Variants in ITGBL1 observed in about 807,000 individuals in gnomAD.
ITGBL1 encodes the protein integrin beta-like protein 1.
In ITGBL1, 51 loss-of-function variants were observed where a neutral mutation model predicts 68.5. The ratio of observed to expected loss-of-function variants is 0.74; its 90% CI spans 0.59 to 0.94. ITGBL1 has a LOEUF of 0.94. ITGBL1 is among the 40% of genes least tolerant of loss of function. The probability of loss-of-function intolerance (pLI) is 0.00; values close to 1 mark genes in which losing one functional copy is unlikely to be tolerated. For synonymous variants in ITGBL1, 209 were observed against 227.3 expected (o/e 0.92, Z 0.72); for missense variants, 649 against 647.4 (o/e 1.00, Z -0.03).
At chr13:101,601,438 A>C (rs2030376342) in intron 7 of ITGBL1, among the ~76,000 whole-genome samples, 4 of 151,930 alleles carry the variant, frequency 2.6e-5, no homozygotes. Context: ...TATTTCCTTC[A>C]GTTCTGCTCT....
chr13:101,481,409 G>A (rs2048622477), intron 2 of ITGBL1, among the ~76,000 whole-genome samples: 1 of 151,996 alleles, frequency 6.6e-6, no homozygotes, highest in Non-Finnish European at 1.5e-5. Context: ...GAAGAAAAGG[G>A]AAAGAATGAT....
chr13:101,612,890 G>A (rs1460774958), intron 7 of ITGBL1, among the ~76,000 whole-genome samples: 1 of 152,098 alleles, frequency 6.6e-6, no homozygotes, highest in African/African-American at 2.4e-5. Context: ...CACACATGCT[G>A]CCAACACCGT....
chr13:101,590,868 T>C (rs1027548984), intron 6 of ITGBL1, among the ~76,000 whole-genome samples: 1 of 152,008 alleles, frequency 6.6e-6, no homozygotes, highest in Non-Finnish European at 1.5e-5. Flanking sequence ...TCCTTAACCT[T>C]ACATGAGGGC....
intron 2 of ITGBL1, among the ~76,000 whole-genome samples, chr13:101,544,855 G>T (rs1253023880): frequency 6.6e-6 from 1 of 152,232 alleles, no homozygotes; most frequent in African/African-American, 2.4e-5. Context: ...CTCCAAGTCA[G>T]GCGCGAGATA....
At chr13:101,531,795 C>A (rs778985333) in intron 2 of ITGBL1, among the ~76,000 whole-genome samples, 2 of 151,160 alleles carry the variant, frequency 1.3e-5, no homozygotes, top group Admixed American at 6.6e-5. Flanking sequence ...TGCAGTGGTG[C>A]GATCTTGACT....
At chr13:101,647,408 AGTTTC>A (rs1448348467) in intron 7 of ITGBL1, among the ~76,000 whole-genome samples, 1 of 152,200 alleles carries the variant, frequency 6.6e-6, no homozygotes, top group Non-Finnish European at 1.5e-5. Context: ...TATGTGGTTC[AGTTTC>A]TTTTTATGAT....
At chr13:101,569,966 A>C (rs939493610) in intron 3 of ITGBL1, among the ~76,000 whole-genome samples, 12 of 152,112 alleles carry the variant, frequency 7.9e-5, no homozygotes, top group African/African-American at 2.9e-4. Flanking sequence ...TTCCTCACTA[A>C]AATTACCCCA....
At chr13:101,630,858 T>C (rs778348026) in intron 7 of ITGBL1, among the ~76,000 whole-genome samples, 1 of 152,212 alleles carries the variant, frequency 6.6e-6, no homozygotes, top group East Asian at 1.9e-4. Context: ...GGCATTTTTG[T>C]TATTGTTTAA....
At chr13:101,678,591 C>T (rs2033564126) in intron 7 of ITGBL1, among the ~76,000 whole-genome samples, 1 of 151,914 alleles carries the variant, frequency 6.6e-6, no homozygotes, top group Non-Finnish European at 1.5e-5. Flanking sequence ...CCTCTGCCTC[C>T]TGGGTTCATG....
At chr13:101,568,685 C>T (rs576157498) in intron 3 of ITGBL1, among the ~76,000 whole-genome samples, 1 of 152,126 alleles carries the variant, frequency 6.6e-6, no homozygotes, top group East Asian at 1.9e-4. Context: ...GCTCTAAATG[C>T]TAAAGGTGAG....
At chr13:101,615,900 G>A (rs1184422936) in intron 7 of ITGBL1, among the ~76,000 whole-genome samples, 1 of 152,208 alleles carries the variant, frequency 6.6e-6, no homozygotes, top group East Asian at 1.9e-4. Context: ...TCTATGTGTA[G>A]GAAGCAGGCT....
chr13:101,701,880 A>G (rs2034144835), intron 8 of ITGBL1, among the ~76,000 whole-genome samples: 1 of 152,142 alleles, frequency 6.6e-6, no homozygotes, highest in Non-Finnish European at 1.5e-5. Flanking sequence ...CTTAGTTTCA[A>G]TTTGGGAAGA....
At chr13:101,454,768 G>A (rs966788742) in intron 2 of ITGBL1, among the ~76,000 whole-genome samples, 9 of 152,192 alleles carry the variant, frequency 5.9e-5, no homozygotes, top group African/African-American at 2.2e-4. Context: ...TTCACAGGCA[G>A]GAGTGCATAT....
At chr13:101,532,525 T>C (rs2139163875) in intron 2 of ITGBL1, among the ~76,000 whole-genome samples, 1 of 152,372 alleles carries the variant, frequency 6.6e-6, no homozygotes, top group South Asian at 2.1e-4. Context: ...GTTATTCCTA[T>C]TGCAGATTTT....
At chr13:101,708,351 C>T (rs2034309676) in intron 9 of ITGBL1, among the ~76,000 whole-genome samples, 1 of 152,104 alleles carries the variant, frequency 6.6e-6, no homozygotes, top group South Asian at 2.1e-4. Context: ...TCAGTATCCT[C>T]TTTACACCAC....
At chr13:101,462,397 A>G (rs1049255688) in intron 2 of ITGBL1, among the ~76,000 whole-genome samples, 2 of 152,178 alleles carry the variant, frequency 1.3e-5, no homozygotes. Context: ...GAAGGCCCAT[A>G]GTCTTCTCAG....
intron 3 of ITGBL1, among the ~76,000 whole-genome samples, chr13:101,569,976 A>C (rs543464934): frequency 6.6e-6 from 1 of 152,290 alleles, no homozygotes; most frequent in East Asian, 1.9e-4. Context: ...AAATTACCCC[A>C]GATTTAACAT....
At chr13:101,498,897 G>GAA (rs2048897660) in intron 2 of ITGBL1, among the ~76,000 whole-genome samples, 1 of 152,170 alleles carries the variant, frequency 6.6e-6, no homozygotes, top group Non-Finnish European at 1.5e-5. Flanking sequence ...TGGTGGAAGA[G>GAA]AAAAGGCACG....
Position 101,515,845 on chromosome 13 carries a change from G to A in ITGBL1, c.317-51854G>A, listed in dbSNP as rs182735571. Among the ~76,000 whole-genome samples, 157 of 152,204 alleles carry A rather than the reference G, an allele frequency of 1.0e-3. 1 individual carries two copies. Among genetic ancestry groups the A allele is most frequent in the African/African-American group, 3.6e-3 (149 of 41,560 alleles). ...TACAATTCATTTATCATCAGTAACC[G>A]AAAATGGCATTTAACCATTCTACCT... On this transcript the variant is annotated intron_variant, in intron 2 of 10. Transcript: ENST00000376180.
Sources: allele counts gnomAD v4.1 joint callset (sites outside exome capture counted in the v4.1 genomes callset), GRCh38; gene constraint gnomAD v4.1.1; transcripts MANE v1.5; gene names NCBI Gene and HGNC (gene_info 2026-07-23, HGNC 2026-07-21).